CAPRIN1: variants seen among roughly 807,000 people sequenced by gnomAD.
CAPRIN1 encodes the protein cell cycle associated protein 1.
In CAPRIN1, 29 loss-of-function variants were observed where a neutral mutation model predicts 100.9. The ratio of observed to expected loss-of-function variants is 0.29; its 90% confidence interval spans 0.21 to 0.39. The LOEUF is 0.39. CAPRIN1 is among the 10% of genes least tolerant of loss of function. The probability of loss-of-function intolerance (pLI) is 1.00; values close to 1 mark genes in which losing one functional copy is unlikely to be tolerated. For missense variants in CAPRIN1, 795 were observed against 876.7 expected (o/e 0.91, Z 1.18); for synonymous variants, 338 against 307.5 (o/e 1.10, Z -1.04).
At chr11:34,075,072 C>G (rs1850880491) in intron 4 of CAPRIN1, among the ~76,000 whole-genome samples, 1 of 150,728 alleles carries the variant, frequency 6.6e-6, no homozygotes, top group Non-Finnish European at 1.5e-5. Context: ...TTTCTTGAGA[C>G]AGTCTCACTG....
chr11:34,077,690 AAAG>A (rs1173890076), intron 6 of CAPRIN1, among the ~76,000 whole-genome samples: 3 of 152,218 alleles, frequency 2.0e-5, no homozygotes, highest in Non-Finnish European at 4.4e-5. Flanking sequence ...TATTGGTTGA[AAAG>A]AAATCAGATT....
intron 2 of CAPRIN1, chr11:34,052,847 C>T (rs1850356717): frequency 1.4e-6 from 2 of 1,435,560 alleles, no homozygotes; most frequent in South Asian, 1.5e-5. Context: ...TGTCACCTGA[C>T]TCGGACGCGG....
intron 15 of CAPRIN1, among the ~76,000 whole-genome samples, chr11:34,092,549 G>T (rs575453636): frequency 5.9e-5 from 9 of 151,910 alleles, no homozygotes; most frequent in Admixed American, 2.0e-4. Context: ...TGGTAAAGTT[G>T]GGGTTTCACC....
At chr11:34,078,843 G>C (rs1348097079) in intron 6 of CAPRIN1, among the ~76,000 whole-genome samples, 1 of 152,116 alleles carries the variant, frequency 6.6e-6, no homozygotes, top group East Asian at 1.9e-4. Flanking sequence ...CACTTACCTA[G>C]GGAAACCTTT....
At chr11:34,064,750 T>C (rs1164056647) in intron 2 of CAPRIN1, among the ~76,000 whole-genome samples, 2 of 152,158 alleles carry the variant, frequency 1.3e-5, no homozygotes, top group Non-Finnish European at 2.9e-5. Context: ...CTTTGTTTTT[T>C]CTCTCTCACC....
intron 2 of CAPRIN1, among the ~76,000 whole-genome samples, chr11:34,060,340 A>G (rs567240765): frequency 7.2e-5 from 11 of 152,106 alleles, no homozygotes; most frequent in African/African-American, 2.4e-4. Context: ...TTCTAAAAAT[A>G]TTTTAATTTT....
Position 34,071,790 on chromosome 11 carries a change from T to TA in CAPRIN1, c.279+5dup, listed in dbSNP as rs1305856137. 7 of 1,490,848 alleles carry TA rather than the reference T, an allele frequency of 4.7e-6. No homozygotes were observed. The Admixed American group carries it at 6.4e-5, about 14-fold the overall frequency. The allele number at this position is 1,490,848 out of a possible 1,614,324, so 92.4% of individuals were successfully genotyped here. The stretch of plus-strand genomic sequence containing the variant: ...GAAAGGCTTAATCAAGATCAGCTGG[T>TA]AAAGATGTTATATTTTTTATTTTAG... On this transcript the variant is annotated splice_region_variant and intron_variant, in intron 3 of 18. Coordinates refer to ENST00000341394, the MANE Select transcript of CAPRIN1 (RefSeq NM_005898.5).
chr11:34,081,206 C>CTT (rs60982279), intron 7 of CAPRIN1, among the ~76,000 whole-genome samples: 78 of 143,518 alleles, frequency 5.4e-4, no homozygotes, highest in Middle Eastern at 3.6e-3. Context: ...AAGTTGAATT[C>CTT]TTTTTTTTTT....
chr11:34,053,084 G>A (rs894345177), intron 2 of CAPRIN1: 9 of 1,025,222 alleles, frequency 8.8e-6, no homozygotes, highest in Non-Finnish European at 9.4e-6. Context: ...GGCGGCCTGC[G>A]TCCTGCAGCC....
At chr11:34,054,405 GTTTACCCTGTTGGGTATCTTCTTAAATTT>G (rs1163195563) in intron 2 of CAPRIN1, among the ~76,000 whole-genome samples, 1 of 152,040 alleles carries the variant, frequency 6.6e-6, no homozygotes, top group African/African-American at 2.4e-5. Flanking sequence ...ACATGATTTA[GTTTACCCTGTTGGGTATCTTCTTAAATTT>G]TTTTTTTTTT....
chr11:34,052,753 C>T (rs1176431667), intron 2 of CAPRIN1, 117 bp downstream of exon 2: 38 of 1,391,572 alleles, frequency 2.7e-5, no homozygotes, highest in South Asian at 2.2e-4. Context: ...TAGGTCCCCT[C>T]CTCCCACCCC....
chr11:34,059,863 G>A (rs1004480186), intron 2 of CAPRIN1, among the ~76,000 whole-genome samples: 1 of 147,756 alleles, frequency 6.8e-6, no homozygotes, highest in African/African-American at 2.5e-5. Context: ...TTGATGAGTA[G>A]GCAAGTAGAA....
rs903304991 is a variant in CAPRIN1, at chr11:34,102,325, G to A, written c.*2958G>A. Among the ~76,000 whole-genome samples, 2 of 152,122 alleles carry A rather than the reference G, an allele frequency of 1.3e-5. No individual in the cohort carries two copies. Among genetic ancestry groups the A allele is most frequent in the African/African-American group, 2.4e-5 (1 of 41,428 alleles). On this transcript the variant is annotated 3_prime_UTR_variant, in exon 19 of 19. Coordinates refer to ENST00000341394, the MANE Select transcript of CAPRIN1 (RefSeq NM_005898.5). ...AGGAAGTGGAATGCAGATAAGTGCC[G>A]AATTCAAACCCTTCATTTTATGTTT...
chr11:34,092,202 A>C (rs1393816584), intron 15 of CAPRIN1, 146 bp downstream of exon 15: 1 of 712,700 alleles, frequency 1.4e-6, no homozygotes, highest in Non-Finnish European at 2.2e-6. Flanking sequence ...TCAGATCATG[A>C]GTTAAATTGA....
At chr11:34,093,367 C>T (rs1851300728) in intron 15 of CAPRIN1, among the ~76,000 whole-genome samples, 1 of 151,902 alleles carries the variant, frequency 6.6e-6, no homozygotes, top group South Asian at 2.1e-4. Context: ...GGGCCTCCAG[C>T]AGTCCTCCCA....
intron 13 of CAPRIN1, 22 bp downstream of exon 13, chr11:34,090,311 C>T (rs1285446248): frequency 1.3e-6 from 2 of 1,511,176 alleles, no homozygotes; most frequent in Non-Finnish European, 1.8e-6. Flanking sequence ...TACCGGGTCA[C>T]ATACATTTGA....
Position 34,100,162 on chromosome 11 carries a change from T to C in CAPRIN1, c.*795T>C, listed in dbSNP as rs1851432771. The C allele has an allele frequency of 6.6e-6, 1 of 151,734 alleles. No individual in the cohort carries two copies. The highest frequency in any genetic ancestry group is 2.4e-5 in the African/African-American group (1 of 41,024). 9.4% of individuals were successfully genotyped at this position (151,734 alleles called of 1,614,324 possible). A position where few individuals can be genotyped will look rare whatever the true frequency, so the allele number is the denominator to read the frequency against. ...ACACTTAACAGTTTCTTTGAGACAA[T>C]GACTTTTGTAAGGATTGGTACTATC... On this transcript the variant is annotated 3_prime_UTR_variant, in exon 19 of 19. Coordinates refer to ENST00000341394, the MANE Select transcript of CAPRIN1 (RefSeq NM_005898.5).
At chr11:34,070,708 C>CT (rs879551743) in intron 2 of CAPRIN1, among the ~76,000 whole-genome samples, 96 of 145,184 alleles carry the variant, frequency 6.6e-4, no homozygotes, top group South Asian at 1.6e-3. Context: ...AAAAAATACT[C>CT]TTTTTTTTTT....
intron 18 of CAPRIN1, chr11:34,097,964 A>G: frequency 1.5e-6 from 2 of 1,316,878 alleles, no homozygotes; most frequent in African/African-American, 2.9e-5. Context: ...CTGTTACTAT[A>G]TAAACTGTCT....
Sources: allele counts gnomAD v4.1 joint callset (sites outside exome capture counted in the v4.1 genomes callset), GRCh38; gene constraint gnomAD v4.1.1; transcripts MANE v1.5; gene names NCBI Gene and HGNC (gene_info 2026-07-23, HGNC 2026-07-21).